The following PCDHGA10 variants were observed in gnomAD, a reference collection of about 807,000 sequenced individuals.
PCDHGA10 encodes protocadherin gamma subfamily A, 10.
In PCDHGA10, 42 loss-of-function variants were observed where a neutral mutation model predicts 59.5. The ratio of observed to expected loss-of-function variants is 0.71; its 90% CI spans 0.55 to 0.91. PCDHGA10 has a LOEUF of 0.91. PCDHGA10 is among the 40% of genes least tolerant of loss of function. The probability of loss-of-function intolerance (pLI) is 0.00; values close to 1 mark genes in which losing one functional copy is unlikely to be tolerated. For missense variants in PCDHGA10, 1,111 were observed against 1,198.2 expected (o/e 0.93, Z 1.07); for synonymous variants, 511 against 517.2 (o/e 0.99, Z 0.16).
intron 1 of PCDHGA10, chr5:141,422,210 T>C: frequency 6.4e-7 from 1 of 1,562,390 alleles, no homozygotes; most frequent in South Asian, 1.2e-5. Flanking sequence ...GGTGGAGGTC[T>C]CTTTACCACC....
rs1253223100 is a variant in PCDHGA10 at position 141,493,049 on chromosome 5, T to C, written c.2437-1758T>C. Among the ~76,000 whole-genome samples the C allele has an allele frequency of 6.6e-6, 1 of 152,188 alleles. No homozygotes were observed. Among genetic ancestry groups the C allele is most frequent in the Non-Finnish European group, 1.5e-5 (1 of 68,032 alleles). Reference sequence around the variant, plus strand: ...GCCCTTATGTGTGAGGAAACTACAATAGTAAAAAACACAAGTTTCTCCAAC... The same window carrying C: ...GCCCTTATGTGTGAGGAAACTACAACAGTAAAAAACACAAGTTTCTCCAAC... On this transcript the variant is annotated intron_variant, in intron 1 of 3. Transcript: ENST00000398610. This position sits in a 1 kb window ranked among gnomAD's most constrained non-coding sequence, Gnocchi z 4.3.
At position 141,477,577 on chromosome 5, in the gene PCDHGA10, G is replaced by T; in HGVS notation, c.2437-17230G>T. Reference sequence around the variant, plus strand: ...TAAGTGTCTGGGACCCCGACGCCCCGCAGAATGCTCGGCTTTCTTTCTTTC... The same window carrying T: ...TAAGTGTCTGGGACCCCGACGCCCCTCAGAATGCTCGGCTTTCTTTCTTTC... On this transcript the variant is annotated intron_variant, in intron 1 of 3. Transcript: ENST00000398610. The surrounding 1 kb of genome is among the most constrained non-coding windows in gnomAD (Gnocchi z 4.9). 1.2e-6 allele frequency: 2 copies of T among 1,614,124 alleles called. No homozygotes were observed. Among genetic ancestry groups the T allele is most frequent in the Non-Finnish European group, 1.7e-6 (2 of 1,180,020 alleles).
intron 1 of PCDHGA10, chr5:141,478,676 G>A (rs540780497): frequency 6.4e-7 from 1 of 1,551,522 alleles, no homozygotes; most frequent in African/African-American, 1.4e-5. Flanking sequence ...CTTTCAACTG[G>A]CCCTTCCTAG....
rs1340692426 is a variant in PCDHGA10 at position 141,485,025 on chromosome 5, A to C, written c.2437-9782A>C. ...CAAATCTACCCCGCCACCAGCAAAAACGGCGCGTAACCCTTGCGGCGCCGG... is the reference window on the plus strand; with the variant it reads ...CAAATCTACCCCGCCACCAGCAAAACCGGCGCGTAACCCTTGCGGCGCCGG... On this transcript the variant is annotated intron_variant, in intron 1 of 3. Transcript: ENST00000398610. This position sits in a 1 kb window ranked among gnomAD's most constrained non-coding sequence, Gnocchi z 5.7. 2 of 657,796 alleles carry C rather than the reference A, an allele frequency of 3.0e-6. No homozygotes were observed. The highest frequency in any genetic ancestry group is 5.4e-6 in the Non-Finnish European group (2 of 369,210). The allele number at this position is 657,796 out of a possible 1,614,324, so 40.7% of individuals were successfully genotyped here.
At chr5:141,450,129 C>T (rs1211301953) in intron 1 of PCDHGA10, among the ~76,000 whole-genome samples, 1 of 151,472 alleles carries the variant, frequency 6.6e-6, no homozygotes, top group African/African-American at 2.4e-5. Context: ...GCCTTAGCCT[C>T]CTGAGTAGCT....
chr5:141,473,974 C>G (rs958240236), intron 1 of PCDHGA10, among the ~76,000 whole-genome samples: 33 of 152,054 alleles, frequency 2.2e-4, no homozygotes, highest in Admixed American at 2.2e-3. Context: ...AAGTCTGAGG[C>G]GGGAGGATCC....
chr5:141,427,268 A>G (rs1433017911), intron 1 of PCDHGA10: 7 of 456,648 alleles, frequency 1.5e-5, no homozygotes, highest in Non-Finnish European at 3.1e-5. Flanking sequence ...TGACCAGCGA[A>G]TGTAAAATTA....
Position 141,476,416 on chromosome 5 carries a change from A to G in PCDHGA10, c.2437-18391A>G. On this transcript the variant is annotated intron_variant, in intron 1 of 3. Coordinates refer to ENST00000398610, the MANE Select transcript of PCDHGA10 (RefSeq NM_018913.3). The surrounding 1 kb of genome is among the most constrained non-coding windows in gnomAD (Gnocchi z 7.6). ...TGGATCGAGAGGAGCTGTGTGGGAC[A>G]CTGCCCTCTTGCACTGTAACTCTGG... 1 of 1,614,056 alleles carries G rather than the reference A, an allele frequency of 6.2e-7. No individual in the cohort carries two copies. The highest frequency in any genetic ancestry group is 8.5e-7 in the Non-Finnish European group (1 of 1,179,994).
At chr5:141,428,241 A>C (rs1416124194) in intron 1 of PCDHGA10, 1 of 961,518 alleles carries the variant, frequency 1.0e-6, no homozygotes, top group Admixed American at 2.0e-5. Flanking sequence ...TGCAGGAGGC[A>C]CTGCCAGACT....
intron 2 of PCDHGA10, among the ~76,000 whole-genome samples, chr5:141,500,311 C>T (rs2099799036): frequency 2.0e-5 from 3 of 152,072 alleles, no homozygotes; most frequent in African/African-American, 7.2e-5. Context: ...CAGGTTCACG[C>T]CATGCTCCTG....
At chr5:141,453,521 T>A (rs1311886024) in intron 1 of PCDHGA10, among the ~76,000 whole-genome samples, 2 of 152,148 alleles carry the variant, frequency 1.3e-5, no homozygotes, top group Non-Finnish European at 2.9e-5. Flanking sequence ...TCCTCCCCTA[T>A]ACCTTCTGCC....
In PCDHGA10 at chr5:141,476,034, C is replaced by G. The variant is rs934044974; in HGVS notation, c.2437-18773C>G. On this transcript the variant is annotated intron_variant, in intron 1 of 3. Transcript: ENST00000398610. This position sits in a 1 kb window ranked among gnomAD's most constrained non-coding sequence, Gnocchi z 7.6. ...CCATGTCGGACTCGGCGCCCAGCGC[C>G]CAAGCGCTAACCCGCTGAAAGTTTC... The G allele has an allele frequency of 2.0e-6, 3 of 1,464,488 alleles. No homozygotes were observed. Among genetic ancestry groups the G allele is most frequent in the Non-Finnish European group, 2.7e-6 (3 of 1,100,656 alleles). 90.7% of individuals were successfully genotyped at this position (1,464,488 alleles called of 1,614,324 possible). A position where few individuals can be genotyped will look rare whatever the true frequency, so the allele number is the denominator to read the frequency against.
intron 1 of PCDHGA10, chr5:141,423,194 C>T (rs1467994226): frequency 3.7e-6 from 6 of 1,613,588 alleles, no homozygotes; most frequent in South Asian, 1.1e-5. Context: ...CCCCCTCTCT[C>T]GGCCACCGTC....
chr5:141,470,565 A>T (rs2099233471), intron 1 of PCDHGA10, among the ~76,000 whole-genome samples: 1 of 152,172 alleles, frequency 6.6e-6, no homozygotes, highest in African/African-American at 2.4e-5. Context: ...CCTCTGTGCC[A>T]AGCAGGATCA....
At position 141,494,787 on chromosome 5, in the gene PCDHGA10, T is replaced by G. The variant is rs763990551; in HGVS notation, c.2437-20T>G. The G allele has an allele frequency of 6.2e-7, 1 of 1,614,044 alleles. No individual in the cohort carries two copies. Among genetic ancestry groups the G allele is most frequent in the Non-Finnish European group, 8.5e-7 (1 of 1,179,990 alleles). On this transcript the variant is annotated intron_variant, in intron 1 of 3. Transcript: ENST00000398610. ...ACTTCTCACGGGTACTCAGCCCCTT[T>G]CCCTCTGTTTTCTCCACAGCAAGCC...
At chr5:141,478,256 A>G in intron 1 of PCDHGA10, 6 of 1,614,126 alleles carry the variant, frequency 3.7e-6, no homozygotes, top group Non-Finnish European at 5.1e-6. Flanking sequence ...CGGAGTAATC[A>G]TATTCAAAGT....
intron 1 of PCDHGA10, among the ~76,000 whole-genome samples, chr5:141,471,744 A>G (rs2099263733): frequency 6.6e-6 from 1 of 152,208 alleles, no homozygotes; most frequent in South Asian, 2.1e-4. Context: ...GAGACATAAC[A>G]TATTTGAGGG....
chr5:141,506,435 G>T (rs1470687416), intron 3 of PCDHGA10, among the ~76,000 whole-genome samples: 1 of 126,234 alleles, frequency 7.9e-6, no homozygotes, highest in Non-Finnish European at 1.6e-5. Context: ...CAACAGTCTC[G>T]CTCTGTCTCA....
At chr5:141,503,814 T>C (rs539980053) in intron 2 of PCDHGA10, among the ~76,000 whole-genome samples, 2 of 152,100 alleles carry the variant, frequency 1.3e-5, no homozygotes, top group East Asian at 3.9e-4. Flanking sequence ...GAATCCCAGA[T>C]TGGGCAAAAC....
Sources: gnomAD v4.1 joint callset for allele counts (sites outside exome capture counted in the v4.1 genomes callset) on GRCh38, gnomAD v4.1.1 for gene constraint, Gnocchi (gnomAD v3.1) non-coding constraint, MANE v1.5 for transcripts, NCBI Gene and HGNC (gene_info 2026-07-23, HGNC 2026-07-21) for gene names.